ANO4: variants seen among roughly 807,000 people sequenced by gnomAD.
The protein encoded by ANO4 is anoctamin-4.
ANO4 carries 69 observed loss-of-function variants against 141.9 expected under a neutral mutation model. The observed-to-expected ratio is 0.49, with a 90% CI of 0.40 to 0.59. The LOEUF (loss-of-function observed/expected upper bound fraction) is 0.59. ANO4 is among the 20% of genes least tolerant of loss of function. ANO4 has a pLI of 0.00. For missense variants in ANO4, 894 were observed against 1,162.2 expected (o/e 0.77, Z 3.36); for synonymous variants, 350 against 394.3 (o/e 0.89, Z 1.33).
Position 101,068,712 on chromosome 12 carries a change from C to CA in ANO4, c.1313-10477dup. On this transcript the variant is annotated intron_variant, in intron 14 of 27. Transcript: ENST00000392977. ...TCAAAGATTCTTGTGTGAAAGCTGA[C>CA]AAAATGACCAGATCTCATAAAAATG... The CA allele has an allele frequency of 3.1e-6, 4 of 1,288,744 alleles. No homozygotes were observed. The South Asian group carries it at 4.8e-5, about 15-fold the overall frequency. 79.8% of individuals were successfully genotyped at this position (1,288,744 alleles called of 1,614,324 possible). A position where few individuals can be genotyped will look rare whatever the true frequency, so the allele number is the denominator to read the frequency against.
chr12:101,020,066 A>G lies in ANO4; in HGVS notation c.767A>G (p.Asn256Ser). Reference sequence around the variant, plus strand: ...ATACACAACAAAGAAACGTTCTTCAACAATGCCACAAGAAGTAGAATCGTG... The same window carrying G: ...ATACACAACAAAGAAACGTTCTTCAGCAATGCCACAAGAAGTAGAATCGTG... ...FIIHNKETFF[N>S]NATRSRIVHH... Residue 256 changes from asparagine to serine, a missense_variant, in exon 9 of 28, where the codon AAC becomes AGC. Transcript: ENST00000392977. The G allele has an allele frequency of 1.9e-6, 3 of 1,613,668 alleles. No individual in the cohort carries two copies. Among genetic ancestry groups the G allele is most frequent in the Non-Finnish European group, 2.5e-6 (3 of 1,179,690 alleles).
chr12:100,913,705 A>C (rs60667030), intron 2 of ANO4, among the ~76,000 whole-genome samples: 9,017 of 152,250 alleles, frequency 0.059, 335 homozygotes, highest in African/African-American at 0.094. Flanking sequence ...GGATTATACA[A>C]CTATAACTAG....
intron 1 of ANO4, among the ~76,000 whole-genome samples, chr12:100,834,838 C>T (rs949372277): frequency 6.6e-6 from 1 of 152,050 alleles, no homozygotes; most frequent in African/African-American, 2.4e-5. Context: ...AGGAAGCTAG[C>T]AATGCAGATA....
chr12:100,802,529 C>T (rs2135668776), intron 1 of ANO4, among the ~76,000 whole-genome samples: 1 of 152,276 alleles, frequency 6.6e-6, no homozygotes, highest in South Asian at 2.1e-4. Flanking sequence ...GGAGGAAGAT[C>T]TCTAGATATC....
intron 1 of ANO4, among the ~76,000 whole-genome samples, chr12:100,877,294 A>G (rs1392620207): frequency 6.6e-6 from 1 of 151,832 alleles, no homozygotes; most frequent in African/African-American, 2.4e-5. Flanking sequence ...ACAAAAAAAG[A>G]TAAGTGTATG....
intron 1 of ANO4, among the ~76,000 whole-genome samples, chr12:100,860,055 A>G (rs1212529376): frequency 6.6e-6 from 1 of 152,152 alleles, no homozygotes; most frequent in Non-Finnish European, 1.5e-5. Flanking sequence ...TTTCAGGCAC[A>G]AAGAAGCAGT....
Position 100,798,723 on chromosome 12 carries a change from C to T in ANO4, c.-141+3696C>T, listed in dbSNP as rs192469780. ...ATCACAGCCCCAAAATAATGCAAGA[C>T]GAAAGGGGAACATTCTTCCTATGTT... is the stretch of plus-strand genomic sequence containing the variant. On this transcript the variant is annotated intron_variant, in intron 1 of 27. Transcript: ENST00000392977. Among the ~76,000 whole-genome samples, 73 of 152,224 alleles carry T rather than the reference C, an allele frequency of 4.8e-4. 1 individual carries two copies. In the East Asian group the frequency reaches 0.012, roughly 24 times the overall value.
intron 5 of ANO4, among the ~76,000 whole-genome samples, chr12:100,966,274 A>G (rs73375052): frequency 0.021 from 3,269 of 152,328 alleles, 106 homozygotes; most frequent in African/African-American, 0.075. Flanking sequence ...TGAGCACCTT[A>G]ACGGCATTAT....
chr12:101,083,669 G>T lies in ANO4; in HGVS notation c.1396-9G>T, dbSNP rs767516293. ...TTAGTGCATTAAAATGTGTCTGCTT[G>T]TCCTTTAGGAAGAAATACGACCCCA... On this transcript the variant is annotated splice_polypyrimidine_tract_variant and intron_variant, in intron 15 of 27. Transcript: ENST00000392977. 1 of 1,601,816 alleles carries T rather than the reference G, an allele frequency of 6.2e-7. No homozygotes were observed. Among genetic ancestry groups the T allele is most frequent in the East Asian group, 2.2e-5 (1 of 44,626 alleles).
In ANO4 at chr12:101,127,063, G is replaced by A. The variant is rs758121558; in HGVS notation, c.2861G>A (p.Trp954Ter). ...KKNGKAHHNEWP is the reference protein window; with the variant it reads ...KKNGKAHHNE ...AATGGAAAAGCACACCACAACGAGT[G>A]GCCGTGACCATGTAGGTGAGAGGTG... Residue 954 changes from tryptophan to a stop codon, truncating the protein, a stop_gained, in exon 27 of 28, where the codon TGG (tryptophan) becomes TAG (stop). Coordinates refer to ENST00000392977, the MANE Select transcript of ANO4 (RefSeq NM_001286615.2). LOFTEE classifies it high-confidence loss of function. 15 of 1,612,574 alleles carry A rather than the reference G, an allele frequency of 9.3e-6. No individual in the cohort carries two copies. The highest frequency in any genetic ancestry group is 1.2e-5 in the Non-Finnish European group (14 of 1,179,262).
At chr12:100,866,373 C>A (rs563433020) in intron 1 of ANO4, among the ~76,000 whole-genome samples, 1 of 152,304 alleles carries the variant, frequency 6.6e-6, no homozygotes, top group East Asian at 1.9e-4. Context: ...CATGACTCCA[C>A]GTTCCCCTTA....
intron 14 of ANO4, chr12:101,066,715 G>A: frequency 1.3e-6 from 1 of 752,416 alleles, no homozygotes; most frequent in Non-Finnish European, 2.4e-6. Flanking sequence ...GGTGGCACCT[G>A]CTTGAGTCCT....
intron 8 of ANO4, among the ~76,000 whole-genome samples, chr12:100,993,914 G>A (rs2045254965): frequency 6.6e-6 from 1 of 152,170 alleles, no homozygotes; most frequent in African/African-American, 2.4e-5. Context: ...GAAGGCTCTA[G>A]GTCTCACCCT....
intron 1 of ANO4, among the ~76,000 whole-genome samples, chr12:100,890,973 A>G (rs2040076969): frequency 6.6e-6 from 1 of 152,176 alleles, no homozygotes; most frequent in African/African-American, 2.4e-5. Flanking sequence ...TCCTCGTGGC[A>G]ACCACTGATC....
intron 8 of ANO4, among the ~76,000 whole-genome samples, chr12:101,014,883 GGA>G (rs1485333326): frequency 6.6e-6 from 1 of 152,084 alleles, no homozygotes; most frequent in African/African-American, 2.4e-5. Flanking sequence ...CACCCAGACT[GGA>G]GTGTTGTGTT....
chr12:100,787,184 A>G (rs1514797), intron 3 of ANO4, among the ~76,000 whole-genome samples: 37,581 of 152,030 alleles, frequency 0.25, 5,392 homozygotes, highest in East Asian at 0.55. Context: ...GATCGGTGCC[A>G]AAACTTGGAG....
intron 7 of ANO4, among the ~76,000 whole-genome samples, chr12:100,986,057 A>G (rs1043515050): frequency 6.6e-6 from 1 of 152,094 alleles, no homozygotes; most frequent in African/African-American, 2.4e-5. Context: ...CATCCAACCC[A>G]TTGAGTGGAA....
intron 3 of ANO4, among the ~76,000 whole-genome samples, chr12:100,928,838 C>T (rs1465884867): frequency 1.3e-5 from 2 of 152,180 alleles, no homozygotes; most frequent in Admixed American, 6.5e-5. Context: ...TTAGCAAATA[C>T]GCTAAATCAG....
chr12:100,910,876 T>C (rs896410067), intron 2 of ANO4, among the ~76,000 whole-genome samples: 1 of 152,168 alleles, frequency 6.6e-6, no homozygotes, highest in African/African-American at 2.4e-5. Context: ...TAATTTCTAA[T>C]ACAGGTTCTT....
Sources: allele counts gnomAD v4.1 joint callset (sites outside exome capture counted in the v4.1 genomes callset), GRCh38; gene constraint gnomAD v4.1.1; transcripts MANE v1.5; gene names NCBI Gene and HGNC (gene_info 2026-07-23, HGNC 2026-07-21).